RAD51B: variants seen among roughly 807,000 people sequenced by gnomAD.
RAD51B encodes DNA repair protein RAD51 homolog 2.
In RAD51B, 38 loss-of-function variants were observed where a neutral mutation model predicts 42.2. The observed-to-expected ratio is 0.90, with a 90% CI of 0.70 to 1.18. The LOEUF is 1.18. Among genes scored for constraint, RAD51B ranks in the 50% most tolerant of loss-of-function variants. The pLI, the probability that RAD51B is intolerant of heterozygous loss-of-function variation, is 0.00. For missense variants in RAD51B, 373 were observed against 400.7 expected, an observed-to-expected ratio of 0.93 and a Z score of 0.59; for synonymous variants, 154 against 145.2, an observed-to-expected ratio of 1.06 and a Z score of -0.43.
chr14:68,580,475 C>T (rs1179367269), intron 10 of RAD51B, among the ~76,000 whole-genome samples: 1 of 150,704 alleles, frequency 6.6e-6, no homozygotes, highest in East Asian at 1.9e-4. Context: ...AATGGGCACT[C>T]TGGGCAAGAT....
At chr14:68,296,240 C>T (rs2081611534) in intron 8 of RAD51B, among the ~76,000 whole-genome samples, 1 of 152,140 alleles carries the variant, frequency 6.6e-6, no homozygotes, top group Non-Finnish European at 1.5e-5. Flanking sequence ...TTCTAGTATC[C>T]ACTCTGTCAT....
At chr14:68,180,132 C>A (rs549292317) in intron 7 of RAD51B, among the ~76,000 whole-genome samples, 1 of 152,214 alleles carries the variant, frequency 6.6e-6, no homozygotes, top group Admixed American at 6.5e-5. Context: ...CCATAAGTCA[C>A]CCTAATGGTT....
At chr14:68,040,621 C>T (rs961255274) in intron 7 of RAD51B, among the ~76,000 whole-genome samples, 3 of 152,202 alleles carry the variant, frequency 2.0e-5, no homozygotes, top group African/African-American at 7.2e-5. Flanking sequence ...TTGTTCCTCA[C>T]ATCAATGTGA....
At chr14:68,309,050 A>C (rs543985665) in intron 8 of RAD51B, among the ~76,000 whole-genome samples, 2 of 152,330 alleles carry the variant, frequency 1.3e-5, no homozygotes, top group East Asian at 1.9e-4. Context: ...TTGATGCAAC[A>C]CTACACTATT....
chr14:67,825,822 T>C (rs1566909813), intron 3 of RAD51B, among the ~76,000 whole-genome samples: 2 of 152,100 alleles, frequency 1.3e-5, no homozygotes, highest in South Asian at 4.1e-4. Context: ...CTCTGCCTCC[T>C]GGGTTCAAGC....
chr14:68,534,946 ATTG>A (rs1247014460), intron 10 of RAD51B, among the ~76,000 whole-genome samples: 5 of 152,008 alleles, frequency 3.3e-5, no homozygotes, highest in Non-Finnish European at 5.9e-5. Context: ...ATATATTATT[ATTG>A]TTATTATTAT....
intron 8 of RAD51B, among the ~76,000 whole-genome samples, chr14:68,364,545 C>T (rs373403236): frequency 6.6e-6 from 1 of 152,206 alleles, no homozygotes; most frequent in Non-Finnish European, 1.5e-5. Context: ...CAGCCCCTTC[C>T]ACTCTCTTTT....
chr14:68,393,944 G>T, intron 8 of RAD51B, among the ~76,000 whole-genome samples: 1 of 152,008 alleles, frequency 6.6e-6, no homozygotes, highest in Non-Finnish European at 1.5e-5. Flanking sequence ...TCATTTTTAG[G>T]GCCAGGGAAG....
At chr14:68,478,579 G>C (rs967028516), downstream of RAD51B, among the ~76,000 whole-genome samples, 1 of 152,242 alleles carries the variant, frequency 6.6e-6, no homozygotes, top group Non-Finnish European at 1.5e-5. Context: ...AGGTCTGGGG[G>C]CTTTAGCCCC....
In RAD51B at chr14:67,986,586, C is replaced by T. The variant is rs184155214; in HGVS notation, c.756+99382C>T. 4.6e-5 allele frequency among the ~76,000 whole-genome samples: 7 copies of T among 152,062 alleles called. 1 individual carries two copies. Among genetic ancestry groups the T allele is most frequent in the South Asian group, 4.2e-4 (2 of 4,812 alleles). ...TGTGTATTTTAATGGGTAGTTAGCACGAAAGATCTTTGTCTTTTAAAAATA... is the reference window on the plus strand; with the variant it reads ...TGTGTATTTTAATGGGTAGTTAGCATGAAAGATCTTTGTCTTTTAAAAATA... On this transcript the variant is annotated intron_variant, in intron 7 of 10. Transcript: ENST00000471583.
In RAD51B at chr14:68,468,224, T is replaced by G. The variant is rs2086034754; in HGVS notation, c.1010T>G (p.Ile337Ser). 1 of 1,613,882 alleles carries G rather than the reference T, an allele frequency of 6.2e-7. No individual in the cohort carries two copies. The highest frequency in any genetic ancestry group is 1.1e-5 in the South Asian group (1 of 91,084). ...LAPFTSFVYT[I>S]KEEGLVLQGQ... The stretch of plus-strand genomic sequence containing the variant: ...CCCTTCACCTCATTTGTCTACACCA[T>G]CAAGGAGGAAGGCCTGGTTCTTCAA... The change falls in exon 10 of 11, where the codon ATC becomes AGC. Residue 337 changes from isoleucine (I) to serine (S), a missense_variant. Transcript: ENST00000471583.
chr14:67,861,484 A>G (rs1328669672), intron 4 of RAD51B, among the ~76,000 whole-genome samples: 2 of 151,346 alleles, frequency 1.3e-5, no homozygotes, highest in South Asian at 2.1e-4. Context: ...ATGAAAAAAA[A>G]AGCTGGGCAT....
intron 7 of RAD51B, among the ~76,000 whole-genome samples, chr14:67,971,461 G>T (rs1436704409): frequency 6.6e-6 from 1 of 152,030 alleles, no homozygotes; most frequent in Non-Finnish European, 1.5e-5. Context: ...CCATTGACTT[G>T]CTTTGTATCT....
At chr14:67,840,193 A>T (rs962263246) in intron 4 of RAD51B, among the ~76,000 whole-genome samples, 4 of 152,192 alleles carry the variant, frequency 2.6e-5, no homozygotes, top group Admixed American at 2.6e-4. Flanking sequence ...ATATTGCGTG[A>T]TGCTGAGGTT....
chr14:68,325,133 G>A (rs2082225021), intron 8 of RAD51B, among the ~76,000 whole-genome samples: 1 of 152,192 alleles, frequency 6.6e-6, no homozygotes, highest in Non-Finnish European at 1.5e-5. Context: ...TTATGATCTT[G>A]AGCAGTCTGC....
chr14:68,114,100 A>G (rs1333444280), intron 7 of RAD51B: 2 of 152,180 alleles, frequency 1.3e-5, no homozygotes, highest in Non-Finnish European at 2.9e-5. Flanking sequence ...GAATACATAT[A>G]TATGGTTTTT....
At chr14:68,110,721 C>A (rs1282563614) in intron 7 of RAD51B, among the ~76,000 whole-genome samples, 1 of 151,748 alleles carries the variant, frequency 6.6e-6, no homozygotes, top group African/African-American at 2.4e-5. Context: ...ATGTTAATAC[C>A]CATTTTGGAG....
At chr14:68,478,898 A>G (rs1325647257), downstream of RAD51B, among the ~76,000 whole-genome samples, 1 of 152,216 alleles carries the variant, frequency 6.6e-6, no homozygotes, top group East Asian at 1.9e-4. Context: ...AACAAAGCTC[A>G]GTGTGTGCCT....
chr14:67,955,575 A>G (rs1486872503), intron 7 of RAD51B, among the ~76,000 whole-genome samples: 1 of 152,224 alleles, frequency 6.6e-6, no homozygotes, highest in African/African-American at 2.4e-5. Context: ...CCTAATGTGT[A>G]AAAGATGTTT....
Sources: allele counts gnomAD v4.1 joint callset (sites outside exome capture counted in the v4.1 genomes callset), GRCh38; gene constraint gnomAD v4.1.1; transcripts MANE v1.5; gene names NCBI Gene and HGNC (gene_info 2026-07-23, HGNC 2026-07-21).